Variants in CHCHD6 observed in about 807,000 individuals in gnomAD.
CHCHD6 encodes MICOS complex subunit MIC25.
In CHCHD6, 28 loss-of-function variants were observed where a neutral mutation model predicts 32.3. The ratio of observed to expected loss-of-function variants is 0.87; its 90% CI spans 0.64 to 1.19. The LOEUF is 1.19. Ranked by LOEUF, CHCHD6 falls within the 50% of genes most tolerant of loss-of-function variation. CHCHD6 has a pLI of 0.00. For synonymous variants in CHCHD6, 122 were observed against 117.5 expected, an observed-to-expected ratio of 1.04 and a Z score of -0.25; for missense variants, 333 against 307.0, an observed-to-expected ratio of 1.08 and a Z score of -0.63.
intron 4 of CHCHD6, among the ~76,000 whole-genome samples, chr3:126,847,746 C>T (rs910034941): frequency 6.6e-6 from 1 of 151,928 alleles, no homozygotes; most frequent in Admixed American, 6.6e-5. Flanking sequence ...CCCTCTCTCT[C>T]CTCTCCCCCT....
At chr3:126,880,416 A>T (rs138937734) in intron 5 of CHCHD6, among the ~76,000 whole-genome samples, 1 of 152,156 alleles carries the variant, frequency 6.6e-6, no homozygotes, top group African/African-American at 2.4e-5. Flanking sequence ...AGAAAACAAG[A>T]TGCAAAATGC....
At chr3:126,794,091 C>T (rs1242581186) in intron 4 of CHCHD6, among the ~76,000 whole-genome samples, 1 of 151,782 alleles carries the variant, frequency 6.6e-6, no homozygotes, top group Non-Finnish European at 1.5e-5. Flanking sequence ...TGGGTTTATC[C>T]TATGTGGGGT....
intron 6 of CHCHD6, among the ~76,000 whole-genome samples, chr3:126,945,040 A>G (rs2078615240): frequency 1.3e-5 from 2 of 152,180 alleles, no homozygotes; most frequent in African/African-American, 4.8e-5. Flanking sequence ...CCTTGAAGGA[A>G]GGAAGGACAT....
At chr3:126,735,511 G>A (rs146636094) in intron 4 of CHCHD6, among the ~76,000 whole-genome samples, 1 of 152,278 alleles carries the variant, frequency 6.6e-6, no homozygotes, top group Non-Finnish European at 1.5e-5. Flanking sequence ...GTTTCCTTTT[G>A]GGAGTGTTCC....
intron 4 of CHCHD6, chr3:126,766,662 G>A: frequency 9.6e-7 from 1 of 1,043,016 alleles, no homozygotes. Context: ...CTCTCTCGGT[G>A]GCCACAATGA....
chr3:126,925,380 C>T (rs145625485), intron 6 of CHCHD6, among the ~76,000 whole-genome samples: 43 of 152,338 alleles, frequency 2.8e-4, no homozygotes, highest in Non-Finnish European at 5.1e-4. Flanking sequence ...ATCAGGGCTA[C>T]AGCCTTGGAC....
At chr3:126,931,114 C>A (rs1404397266) in intron 6 of CHCHD6, among the ~76,000 whole-genome samples, 1 of 152,158 alleles carries the variant, frequency 6.6e-6, no homozygotes, top group Non-Finnish European at 1.5e-5. Flanking sequence ...GAGCAGGGCG[C>A]CAAGGGAAAC....
At chr3:126,786,298 G>A (rs1194001530) in intron 4 of CHCHD6, among the ~76,000 whole-genome samples, 3 of 152,278 alleles carry the variant, frequency 2.0e-5, no homozygotes, top group African/African-American at 7.2e-5. Context: ...ACATGTGTGT[G>A]TGTCTTTATA....
At chr3:126,762,766 T>C (rs1224284416) in intron 4 of CHCHD6, among the ~76,000 whole-genome samples, 6 of 152,218 alleles carry the variant, frequency 3.9e-5, no homozygotes. Flanking sequence ...TGCATGTATA[T>C]TTATACTTGA....
chr3:126,738,039 C>T (rs185204208), intron 4 of CHCHD6, among the ~76,000 whole-genome samples: 58 of 152,252 alleles, frequency 3.8e-4, no homozygotes, highest in Admixed American at 2.6e-3. Flanking sequence ...AGAGTGCTTC[C>T]GTCCCTGGAT....
At chr3:126,920,633 G>T (rs965651135) in intron 6 of CHCHD6, among the ~76,000 whole-genome samples, 1 of 152,348 alleles carries the variant, frequency 6.6e-6, no homozygotes, top group East Asian at 1.9e-4. Flanking sequence ...ACTGAGTATT[G>T]TCTCACTGCT....
At chr3:126,797,287 T>G (rs1409317069) in intron 4 of CHCHD6, among the ~76,000 whole-genome samples, 1 of 152,072 alleles carries the variant, frequency 6.6e-6, no homozygotes, top group African/African-American at 2.4e-5. Flanking sequence ...TAAGGAGAGA[T>G]AGTGAGGATT....
chr3:126,790,555 C>G (rs915779639), intron 4 of CHCHD6, among the ~76,000 whole-genome samples: 2 of 152,122 alleles, frequency 1.3e-5, no homozygotes, highest in Non-Finnish European at 2.9e-5. Flanking sequence ...CTTCTCTTCT[C>G]GCTTCATTTC....
At chr3:126,801,093 G>A (rs891744216) in intron 4 of CHCHD6, among the ~76,000 whole-genome samples, 10 of 152,208 alleles carry the variant, frequency 6.6e-5, no homozygotes, top group Admixed American at 1.3e-4. Flanking sequence ...CAAGATGGCC[G>A]AATAGGAACA....
chr3:126,738,116 G>A (rs530481120), intron 4 of CHCHD6, among the ~76,000 whole-genome samples: 28 of 152,278 alleles, frequency 1.8e-4, no homozygotes, highest in African/African-American at 6.3e-4. Context: ...TGGTGGCAGA[G>A]GACTTTTGAT....
intron 4 of CHCHD6, among the ~76,000 whole-genome samples, chr3:126,832,287 G>T (rs1940676976): frequency 6.6e-6 from 1 of 152,200 alleles, no homozygotes; most frequent in African/African-American, 2.4e-5. Flanking sequence ...GCTGTTGAAT[G>T]AATATCTCCT....
At chr3:126,935,639 A>G (rs969248168) in intron 6 of CHCHD6, among the ~76,000 whole-genome samples, 6 of 152,266 alleles carry the variant, frequency 3.9e-5, no homozygotes, top group Admixed American at 1.3e-4. Flanking sequence ...AGCAAAGGCC[A>G]AAAGTCTGTT....
At chr3:126,816,080 C>T (rs892637759) in intron 4 of CHCHD6, among the ~76,000 whole-genome samples, 1 of 152,132 alleles carries the variant, frequency 6.6e-6, no homozygotes, top group Non-Finnish European at 1.5e-5. Flanking sequence ...CCACTTTTCT[C>T]TTCCTCCCTG....
chr3:126,862,408 T>TCCC (rs1559887363), intron 5 of CHCHD6, among the ~76,000 whole-genome samples: 4 of 97,140 alleles, frequency 4.1e-5, no homozygotes, highest in African/African-American at 4.2e-5. Flanking sequence ...CATCACCACC[T>TCCC]CCTCCTCCAC....
Sources: gnomAD v4.1 joint callset for allele counts (sites outside exome capture counted in the v4.1 genomes callset) on GRCh38, gnomAD v4.1.1 for gene constraint, MANE v1.5 for transcripts, NCBI Gene and HGNC (gene_info 2026-07-23, HGNC 2026-07-21) for gene names.